ADAM10: variants seen among roughly 807,000 people sequenced by gnomAD.
The protein encoded by ADAM10 is disintegrin and metalloproteinase domain-containing protein 10.
A neutral mutation model predicts 90.1 loss-of-function variants in ADAM10; 17 were observed. The ratio of observed to expected loss-of-function variants is 0.19; its 90% confidence interval spans 0.13 to 0.28. ADAM10 has a LOEUF of 0.28. Among genes scored for constraint, ADAM10 ranks in the 10% least tolerant of loss-of-function variants. ADAM10 has a pLI of 1.00. For missense variants in ADAM10, 610 were observed against 914.3 expected, an observed-to-expected ratio of 0.67 and a Z score of 4.29; for synonymous variants, 310 against 298.6, an observed-to-expected ratio of 1.04 and a Z score of -0.40.
intron 2 of ADAM10, among the ~76,000 whole-genome samples, chr15:58,708,519 C>T (rs763266895): frequency 6.6e-6 from 1 of 152,038 alleles, no homozygotes; most frequent in Non-Finnish European, 1.5e-5. Flanking sequence ...AAAAATTAGC[C>T]GAGCATAATG....
intron 1 of ADAM10, chr15:58,747,947 T>C (rs1456448548): frequency 2.6e-5 from 4 of 152,222 alleles, no homozygotes; most frequent in African/African-American, 9.6e-5. Context: ...AACTCCTGAA[T>C]TTAATCACAA....
chr15:58,714,170 T>C (rs946777602), intron 2 of ADAM10, among the ~76,000 whole-genome samples: 5 of 152,158 alleles, frequency 3.3e-5, no homozygotes, highest in African/African-American at 1.2e-4. Context: ...AACAGTAACA[T>C]CTGTAAACAT....
intron 1 of ADAM10, among the ~76,000 whole-genome samples, chr15:58,728,895 G>A (rs1176745270): frequency 1.3e-5 from 2 of 152,162 alleles, no homozygotes; most frequent in Non-Finnish European, 2.9e-5. Flanking sequence ...TAAGTAGTAA[G>A]AGATGGGGAA....
intron 1 of ADAM10, among the ~76,000 whole-genome samples, chr15:58,743,446 T>C (rs763842964): frequency 8.5e-5 from 13 of 152,098 alleles, no homozygotes; most frequent in Non-Finnish European, 1.8e-4. Context: ...ACCATTATAA[T>C]GTAATACAAT....
chr15:58,607,131 G>A (rs1161875456), intron 14 of ADAM10, among the ~76,000 whole-genome samples: 2 of 152,258 alleles, frequency 1.3e-5, no homozygotes, highest in Non-Finnish European at 2.9e-5. Flanking sequence ...GGCACGGGCT[G>A]GATTTGGCCC....
At chr15:58,632,947 G>A (rs150423985) in intron 9 of ADAM10, among the ~76,000 whole-genome samples, 7 of 152,280 alleles carry the variant, frequency 4.6e-5, no homozygotes, top group African/African-American at 1.7e-4. Context: ...TAGATATTTT[G>A]TCTGAATAAG....
chr15:58,692,748 G>A (rs769026287), intron 2 of ADAM10: 24 of 590,584 alleles, frequency 4.1e-5, no homozygotes, highest in African/African-American at 1.1e-4. Context: ...ACTGTTCTTC[G>A]TCATTGTGCT....
chr15:58,724,478 C>G (rs1399203569), intron 1 of ADAM10, among the ~76,000 whole-genome samples: 4 of 152,138 alleles, frequency 2.6e-5, no homozygotes, highest in African/African-American at 9.7e-5. Context: ...GAAGTGAGAT[C>G]TACTACAACT....
intron 4 of ADAM10, among the ~76,000 whole-genome samples, chr15:58,674,798 TAGG>T (rs1396210292): frequency 2.6e-5 from 4 of 152,086 alleles, no homozygotes; most frequent in African/African-American, 7.2e-5. Context: ...GAACAAGAAA[TAGG>T]AGGTCTTCCC....
At chr15:58,674,960 C>T (rs1056421783) in intron 4 of ADAM10, among the ~76,000 whole-genome samples, 18 of 152,216 alleles carry the variant, frequency 1.2e-4, no homozygotes, top group African/African-American at 2.9e-4. Context: ...GAGGCCGAGG[C>T]GGGCGGATCA....
Position 58,679,219 on chromosome 15 carries a change from G to C in ADAM10, c.389C>G (p.Thr130Ser). 1 of 1,614,060 alleles carries C rather than the reference G, an allele frequency of 6.2e-7. No homozygotes were observed. The highest frequency in any genetic ancestry group is 1.1e-5 in the South Asian group (1 of 91,084). Reference sequence around the variant, plus strand: ...CTCAACATAAAATGTGCCACCACGAGTCTGGATGAATCCTTCAAATCTTCC... The same window carrying C: ...CTCAACATAAAATGTGCCACCACGACTCTGGATGAATCCTTCAAATCTTCC... Reference protein sequence around the residue: ...IDGRFEGFIQTRGGTFYVEPA... With the variant: ...IDGRFEGFIQSRGGTFYVEPA... The change falls in exon 4 of 16, where the codon ACT becomes AGT. Residue 130 changes from threonine to serine, a missense_variant. Physicochemically the swap from Thr to Ser is moderately conservative, Grantham distance 58. Coordinates refer to ENST00000260408, the MANE Select transcript of ADAM10 (RefSeq NM_001110.4).
At chr15:58,743,101 C>T (rs1198761592) in intron 1 of ADAM10, among the ~76,000 whole-genome samples, 1 of 152,048 alleles carries the variant, frequency 6.6e-6, no homozygotes, top group Non-Finnish European at 1.5e-5. Context: ...CTCTTTACCC[C>T]AGCATGTCAC....
At chr15:58,651,189 T>A (rs1412467716) in intron 5 of ADAM10, among the ~76,000 whole-genome samples, 1 of 152,306 alleles carries the variant, frequency 6.6e-6, no homozygotes, top group East Asian at 1.9e-4. Flanking sequence ...GAATGCAATG[T>A]GTAAATCACA....
intron 14 of ADAM10, among the ~76,000 whole-genome samples, chr15:58,604,385 T>C (rs1347948141): frequency 6.6e-6 from 1 of 152,032 alleles, no homozygotes; most frequent in Non-Finnish European, 1.5e-5. Context: ...ACAAAGAACT[T>C]AGCTCTGGCG....
At chr15:58,726,283 T>C (rs187635279) in intron 1 of ADAM10, among the ~76,000 whole-genome samples, 1 of 151,996 alleles carries the variant, frequency 6.6e-6, no homozygotes, top group Admixed American at 6.6e-5. Context: ...ATAAAGCCAA[T>C]AGCAGAGATA....
chr15:58,679,069 T>G, intron 4 of ADAM10, 55 bp downstream of exon 4: 1 of 1,529,624 alleles, frequency 6.5e-7, no homozygotes, highest in Non-Finnish European at 9.0e-7. Context: ...TCCACACAGT[T>G]TTAACTATCA....
intron 5 of ADAM10, among the ~76,000 whole-genome samples, chr15:58,655,696 G>GTATATATATATATAGTGTATATATA (rs1896796420): frequency 1.5e-5 from 1 of 68,260 alleles, no homozygotes; most frequent in Non-Finnish European, 2.4e-5. Flanking sequence ...ATTATATATA[G>GTATATATATATATAGTGTATATATA]TATATATATA....
At chr15:58,627,910 A>C in intron 9 of ADAM10, 27 bp from the exon 10 acceptor site, 2 of 1,608,770 alleles carry the variant, frequency 1.2e-6, no homozygotes, top group Non-Finnish European at 1.7e-6. Flanking sequence ...AAAGTTACAT[A>C]AACAGGAAGT....
rs1172339897 is a variant in ADAM10, at chr15:58,731,909, T to C, written c.56-14182A>G. ...TCTCTGAATAGCAACCACACACATGTGAGTCATGGGGTGGAGACTTCTGGT... is the reference window on the plus strand; with the variant it reads ...TCTCTGAATAGCAACCACACACATGCGAGTCATGGGGTGGAGACTTCTGGT... On this transcript the variant is annotated intron_variant, in intron 1 of 15. Coordinates refer to ENST00000260408, the MANE Select transcript of ADAM10 (RefSeq NM_001110.4). Among the ~76,000 whole-genome samples the C allele has an allele frequency of 2.0e-5, 3 of 152,254 alleles. No individual in the cohort carries two copies. The South Asian group carries it at 6.2e-4, about 32-fold the overall frequency.
Sources: gnomAD v4.1 joint callset for allele counts (sites outside exome capture counted in the v4.1 genomes callset) on GRCh38, gnomAD v4.1.1 for gene constraint, MANE v1.5 for transcripts, NCBI Gene and HGNC (gene_info 2026-07-23, HGNC 2026-07-21) for gene names.